The following LRP1B variants were observed in gnomAD, a reference collection of about 807,000 sequenced individuals.
LRP1B encodes the protein LDL receptor related protein 1B.
LRP1B carries 217 observed loss-of-function variants against 556.6 expected under a neutral mutation model. The ratio of observed to expected loss-of-function variants is 0.39; its 90% CI spans 0.35 to 0.44. The LOEUF is 0.44. Ranked by LOEUF, LRP1B falls within the 20% of genes least tolerant of loss-of-function variation. The probability of loss-of-function intolerance (pLI) is 1.00; values close to 1 mark genes in which losing one functional copy is unlikely to be tolerated. For missense variants in LRP1B, 5,053 were observed against 5,620.8 expected, an observed-to-expected ratio of 0.90 and a Z score of 3.23; for synonymous variants, 2,047 against 1,865.8, an observed-to-expected ratio of 1.10 and a Z score of -2.50.
chr2:140,998,427 A>G (rs1285555895), intron 15 of LRP1B, among the ~76,000 whole-genome samples: 1 of 151,934 alleles, frequency 6.6e-6, no homozygotes, highest in African/African-American at 2.4e-5. Context: ...TTAATATTCT[A>G]TATTGTGTTT....
chr2:141,141,166 A>G (rs886494838), intron 7 of LRP1B, among the ~76,000 whole-genome samples: 1 of 152,206 alleles, frequency 6.6e-6, no homozygotes, highest in Non-Finnish European at 1.5e-5. Flanking sequence ...CAGAAGATTT[A>G]TAAGAACCTC....
intron 16 of LRP1B, 31 bp downstream of exon 16, chr2:140,993,964 C>T (rs1384207894): frequency 2.5e-6 from 4 of 1,605,862 alleles, no homozygotes; most frequent in African/African-American, 1.3e-5. Context: ...CAGGAAAATA[C>T]AATTTTTAGG....
chr2:140,956,242 C>G (rs1046000733), intron 18 of LRP1B, among the ~76,000 whole-genome samples: 2 of 151,688 alleles, frequency 1.3e-5, no homozygotes, highest in Admixed American at 1.3e-4. Flanking sequence ...AACAGTATAT[C>G]CTGCCTAAGG....
At chr2:140,694,055 T>C (rs1574249360) in intron 41 of LRP1B, among the ~76,000 whole-genome samples, 1 of 152,314 alleles carries the variant, frequency 6.6e-6, no homozygotes, top group African/African-American at 2.4e-5. Flanking sequence ...ACCATTTGAA[T>C]TTATATTAAG....
chr2:141,225,034 G>A (rs1683189977), intron 6 of LRP1B, among the ~76,000 whole-genome samples: 2 of 152,032 alleles, frequency 1.3e-5, no homozygotes, highest in Non-Finnish European at 2.9e-5. Flanking sequence ...CAATAAGGAC[G>A]TAATTTAGTA....
intron 12 of LRP1B, among the ~76,000 whole-genome samples, chr2:141,019,438 T>G (rs550967194): frequency 1.3e-5 from 2 of 152,182 alleles, no homozygotes; most frequent in African/African-American, 4.8e-5. Flanking sequence ...TTCAACTTTA[T>G]AAAGCAGGGA....
chr2:141,039,918 CTAAA>C, intron 11 of LRP1B, among the ~76,000 whole-genome samples: 1 of 152,120 alleles, frequency 6.6e-6, no homozygotes, highest in East Asian at 1.9e-4. Flanking sequence ...TATTTACAGA[CTAAA>C]TGTGAAACTG....
At chr2:141,497,235 A>C (rs1416179564) in intron 2 of LRP1B, among the ~76,000 whole-genome samples, 3 of 151,976 alleles carry the variant, frequency 2.0e-5, no homozygotes, top group Non-Finnish European at 4.4e-5. Context: ...TGGAAAAGTG[A>C]GGTGGAGAGT....
chr2:141,813,363 C>G (rs1483372321), intron 1 of LRP1B, among the ~76,000 whole-genome samples: 1 of 151,946 alleles, frequency 6.6e-6, no homozygotes, highest in Non-Finnish European at 1.5e-5. Flanking sequence ...GAGTATATGT[C>G]ACAGAGAATA....
At chr2:140,281,452 A>G (rs1682910246) in intron 84 of LRP1B, among the ~76,000 whole-genome samples, 1 of 151,870 alleles carries the variant, frequency 6.6e-6, no homozygotes, top group South Asian at 2.1e-4. Context: ...GCAGGGTATG[A>G]AGATACCATA....
intron 2 of LRP1B, among the ~76,000 whole-genome samples, chr2:141,643,730 G>A (rs1689431688): frequency 6.6e-6 from 1 of 152,044 alleles, no homozygotes; most frequent in Non-Finnish European, 1.5e-5. Context: ...GAGTATCTCT[G>A]GTGGTTTCTT....
chr2:141,227,765 A>G (rs1266150863), intron 6 of LRP1B, among the ~76,000 whole-genome samples: 2 of 152,206 alleles, frequency 1.3e-5, no homozygotes, highest in African/African-American at 2.4e-5. Flanking sequence ...ATGATCAAAC[A>G]TTACATAGTA....
At chr2:141,922,400 C>CA (rs1460075285) in intron 1 of LRP1B, among the ~76,000 whole-genome samples, 3 of 152,092 alleles carry the variant, frequency 2.0e-5, no homozygotes, top group Non-Finnish European at 4.4e-5. Flanking sequence ...AGCCTCCTGG[C>CA]AAAAATGTAT....
chr2:141,499,862 T>C (rs544356770), intron 2 of LRP1B, among the ~76,000 whole-genome samples: 5 of 152,244 alleles, frequency 3.3e-5, no homozygotes, highest in African/African-American at 9.6e-5. Context: ...ATCTTGAATT[T>C]GTTTATTACC....
chr2:141,011,175 C>A (rs1411031173), intron 14 of LRP1B, among the ~76,000 whole-genome samples: 1 of 146,806 alleles, frequency 6.8e-6, no homozygotes, highest in Non-Finnish European at 1.5e-5. Flanking sequence ...ATTTGATTTT[C>A]TCTTCAATTG....
chr2:140,267,228 C>A (rs181119623), intron 86 of LRP1B, among the ~76,000 whole-genome samples: 8 of 152,030 alleles, frequency 5.3e-5, no homozygotes, highest in Admixed American at 5.3e-4. Context: ...CAGATTATTA[C>A]TAAATATTTA....
intron 1 of LRP1B, among the ~76,000 whole-genome samples, chr2:141,814,011 A>C (rs1696445305): frequency 6.6e-6 from 1 of 152,160 alleles, no homozygotes; most frequent in Non-Finnish European, 1.5e-5. Context: ...CAGTGTAAAG[A>C]ACCAATTGGA....
At chr2:140,527,040 T>C (rs1205560236) in intron 47 of LRP1B, among the ~76,000 whole-genome samples, 4 of 151,938 alleles carry the variant, frequency 2.6e-5, no homozygotes, top group African/African-American at 7.2e-5. Context: ...AAGGAACATA[T>C]ACACGTGTCA....
intron 2 of LRP1B, among the ~76,000 whole-genome samples, chr2:141,617,108 A>G (rs1225388498): frequency 6.6e-6 from 1 of 152,194 alleles, no homozygotes; most frequent in Non-Finnish European, 1.5e-5. Flanking sequence ...ATATCTCTAT[A>G]AAATAGCTTA....
Sources: gnomAD v4.1 joint callset for allele counts (sites outside exome capture counted in the v4.1 genomes callset) on GRCh38, gnomAD v4.1.1 for gene constraint, MANE v1.5 for transcripts, NCBI Gene and HGNC (gene_info 2026-07-23, HGNC 2026-07-21) for gene names.